Variants in MICU3 observed in about 807,000 individuals in gnomAD.
MICU3 encodes the protein mitochondrial calcium uptake 3, also known as calcium uptake protein 3, mitochondrial.
Under a neutral mutation model 66.5 loss-of-function variants are expected in MICU3, and 62 were observed. The ratio of observed to expected loss-of-function variants is 0.93; its 90% confidence interval spans 0.76 to 1.15. MICU3 has a LOEUF of 1.15. Ranked by LOEUF, MICU3 falls within the 50% of genes most tolerant of loss-of-function variation. The probability of loss-of-function intolerance (pLI) is 0.00; values close to 1 mark genes in which losing one functional copy is unlikely to be tolerated. For synonymous variants in MICU3, 308 were observed against 240.7 expected (o/e 1.28, Z -2.59); for missense variants, 779 against 664.4 (o/e 1.17, Z -1.90).
At chr8:17,130,672 G>C in the MICU3 span, among the ~76,000 whole-genome samples, 3 of 152,212 alleles carry the variant, frequency 2.0e-5, no homozygotes, top group South Asian at 6.2e-4. Context: ...CAATGGCATA[G>C]TATTAATTCA....
intron 3 of MICU3, 62 bp downstream of exon 3, chr8:17,069,781 T>A: frequency 3.0e-5 from 16 of 539,670 alleles, no homozygotes; most frequent in Non-Finnish European, 4.1e-5. Context: ...TATACATATA[T>A]AATTAAAATA....
chr8:17,042,593 T>C (rs1814340378), intron 1 of MICU3, among the ~76,000 whole-genome samples: 1 of 152,240 alleles, frequency 6.6e-6, no homozygotes, highest in African/African-American at 2.4e-5. Flanking sequence ...TGCTGAATTG[T>C]TTTATTGGTT....
At chr8:17,124,977 C>G (rs1803367259), downstream of MICU3, among the ~76,000 whole-genome samples, 1 of 151,982 alleles carries the variant, frequency 6.6e-6, no homozygotes, top group African/African-American at 2.4e-5. Context: ...GATGTTTGTG[C>G]TGAGCACTCA....
intron 1 of MICU3, among the ~76,000 whole-genome samples, chr8:17,039,876 G>A (rs1323480723): frequency 1.4e-5 from 2 of 138,358 alleles, no homozygotes; most frequent in Non-Finnish European, 1.5e-5. Flanking sequence ...GCTCATGAAG[G>A]TATCCATCAT....
chr8:17,055,034 G>A (rs904542441), intron 1 of MICU3, among the ~76,000 whole-genome samples: 1 of 152,132 alleles, frequency 6.6e-6, no homozygotes, highest in Non-Finnish European at 1.5e-5. Flanking sequence ...ACCGTGCCCA[G>A]CCCCAAACGT....
chr8:17,085,330 A>T lies in MICU3; in HGVS notation c.777+12A>T, dbSNP rs1024449033. On this transcript the variant is annotated intron_variant, in intron 6 of 14. Coordinates refer to ENST00000318063, the MANE Select transcript of MICU3 (RefSeq NM_181723.3). ...AAGAGTTTTTGGTGGTATGTATACT[A>T]GATGCTGCACTTTATCAATAATTAA... 6.7e-7 allele frequency: 1 copy of T among 1,487,556 alleles called. No homozygotes were observed. The highest frequency in any genetic ancestry group is 1.4e-5 in the African/African-American group (1 of 71,552). The allele number at this position is 1,487,556 out of a possible 1,614,324, so 92.1% of individuals were successfully genotyped here.
At chr8:17,056,055 A>G (rs1219285937) in intron 1 of MICU3, among the ~76,000 whole-genome samples, 2 of 152,204 alleles carry the variant, frequency 1.3e-5, no homozygotes, top group Non-Finnish European at 2.9e-5. Context: ...ATTAATAGCT[A>G]ATTGGCTGCT....
In MICU3 at chr8:17,078,556, G is replaced by A. The variant is rs186433394; in HGVS notation, c.646+695G>A. Among the ~76,000 whole-genome samples, 40 of 151,404 alleles carry A rather than the reference G, an allele frequency of 2.6e-4. No homozygotes were observed. The East Asian group carries it at 6.2e-3, about 23-fold the overall frequency. ...AATATTTCTTGGAAATGTATTTTTT[G>A]TATCCTCAAATACAGGAATATGCAA... On this transcript the variant is annotated intron_variant, in intron 4 of 14. Transcript: ENST00000318063.
intron 12 of MICU3, among the ~76,000 whole-genome samples, chr8:17,115,134 A>AC (rs990532141): frequency 1.5e-5 from 2 of 132,708 alleles, no homozygotes; most frequent in African/African-American, 5.8e-5. Context: ...AAAAAAAAAA[A>AC]CCCCAGAGGA....
At chr8:17,055,937 C>G (rs1273453258) in intron 1 of MICU3, among the ~76,000 whole-genome samples, 1 of 152,186 alleles carries the variant, frequency 6.6e-6, no homozygotes, top group Non-Finnish European at 1.5e-5. Flanking sequence ...TAACTGTCAG[C>G]TAGACATGTC....
the MICU3 span, among the ~76,000 whole-genome samples, chr8:17,127,908 A>G: frequency 6.6e-6 from 1 of 152,160 alleles, no homozygotes; most frequent in Admixed American, 6.5e-5. Flanking sequence ...TAAAAAATCT[A>G]AGTGCTGAGC....
chr8:17,063,462 C>G (rs1818186871), intron 1 of MICU3, among the ~76,000 whole-genome samples: 1 of 152,044 alleles, frequency 6.6e-6, no homozygotes, highest in South Asian at 2.1e-4. Context: ...GCTCTAGTTA[C>G]TTCAGAGAGA....
At chr8:17,041,255 T>C (rs989156037) in intron 1 of MICU3, among the ~76,000 whole-genome samples, 2 of 151,064 alleles carry the variant, frequency 1.3e-5, no homozygotes, top group African/African-American at 4.9e-5. Context: ...AGCTGAAAAG[T>C]TGGGTCAAGA....
intron 11 of MICU3, among the ~76,000 whole-genome samples, chr8:17,113,584 G>A (rs1444989535): frequency 1.3e-5 from 2 of 152,210 alleles, no homozygotes; most frequent in East Asian, 1.9e-4. Context: ...ACAGGAACAA[G>A]TGTGAATACA....
chr8:17,100,849 T>C (rs532549959), intron 9 of MICU3, among the ~76,000 whole-genome samples: 1 of 151,922 alleles, frequency 6.6e-6, no homozygotes, highest in African/African-American at 2.4e-5. Flanking sequence ...ATGAGTATAT[T>C]GTGCAACTGT....
chr8:17,058,699 T>G lies in MICU3; in HGVS notation c.382-5385T>G, dbSNP rs761005372. Among the ~76,000 whole-genome samples, 5 of 152,332 alleles carry G rather than the reference T, an allele frequency of 3.3e-5. No individual in the cohort carries two copies. The East Asian group carries it at 7.7e-4, about 23-fold the overall frequency. On this transcript the variant is annotated intron_variant, in intron 1 of 14. Coordinates refer to ENST00000318063, the MANE Select transcript of MICU3 (RefSeq NM_181723.3). ...CAGCTGCCGCCTCTTTCTCAGAGTT[T>G]CCAGTAGATCGAGTATACTCAGCAG...
At chr8:17,131,916 T>C in the MICU3 span, 13 of 152,170 alleles carry the variant, frequency 8.5e-5, no homozygotes, top group Non-Finnish European at 1.6e-4. Context: ...AATACATCAA[T>C]AAACAGCATA....
At chr8:17,118,215 T>G (rs1220611723) in intron 13 of MICU3, among the ~76,000 whole-genome samples, 1 of 152,192 alleles carries the variant, frequency 6.6e-6, no homozygotes, top group Non-Finnish European at 1.5e-5. Flanking sequence ...ATGTTTTTAT[T>G]TTTATTTATT....
At chr8:17,073,904 A>C (rs1819976058) in intron 3 of MICU3, among the ~76,000 whole-genome samples, 1 of 152,156 alleles carries the variant, frequency 6.6e-6, no homozygotes. Flanking sequence ...CAAGTTGCAA[A>C]ATAATATTAA....
Sources: allele counts gnomAD v4.1 joint callset (sites outside exome capture counted in the v4.1 genomes callset), GRCh38; gene constraint gnomAD v4.1.1; transcripts MANE v1.5; gene names NCBI Gene and HGNC (gene_info 2026-07-23, HGNC 2026-07-21).